The following RUFY3 variants were observed in gnomAD, a reference collection of about 807,000 sequenced individuals.
RUFY3 encodes RUN and FYVE domain containing 3.
Under a neutral mutation model 84.0 loss-of-function variants are expected in RUFY3, and 34 were observed. That is an observed-to-expected ratio of 0.40 (90% CI 0.31 to 0.54). RUFY3 has a LOEUF of 0.54. Ranked by LOEUF, RUFY3 falls within the 20% of genes least tolerant of loss-of-function variation. RUFY3 has a pLI of 0.39. For missense variants in RUFY3, 507 were observed against 736.8 expected (o/e 0.69, Z 3.61); for synonymous variants, 242 against 252.9 (o/e 0.96, Z 0.41).
upstream of RUFY3, chr4:70,704,148 A>T (rs2148541990): frequency 6.6e-6 from 1 of 152,370 alleles, no homozygotes; most frequent in East Asian, 1.9e-4. Context: ...TGTTTGATTT[A>T]AAATGCACTC....
intron 1 of RUFY3, among the ~76,000 whole-genome samples, chr4:70,738,063 A>G (rs999295408): frequency 6.9e-6 from 1 of 144,184 alleles, no homozygotes; most frequent in Non-Finnish European, 1.5e-5. Context: ...AGCTCACTCC[A>G]GCCTCCACCT....
At chr4:70,711,879 A>T (rs901276251) in intron 1 of RUFY3, among the ~76,000 whole-genome samples, 2 of 152,198 alleles carry the variant, frequency 1.3e-5, no homozygotes, top group African/African-American at 4.8e-5. Context: ...CTGAACTCTC[A>T]CAGTTTGTCT....
intron 13 of RUFY3, among the ~76,000 whole-genome samples, chr4:70,794,331 A>G (rs1480801792): frequency 1.3e-5 from 2 of 152,170 alleles, no homozygotes; most frequent in Admixed American, 1.3e-4. Flanking sequence ...CTGTAATCCC[A>G]GCACTTTGGG....
chr4:70,762,571 G>A lies in RUFY3; in HGVS notation c.231G>A (p.Lys77=), dbSNP rs781373939. 3.1e-6 allele frequency: 5 copies of A among 1,613,968 alleles called. No homozygotes were observed. Among genetic ancestry groups the A allele is most frequent in the Non-Finnish European group, 3.4e-6 (4 of 1,179,932 alleles). Residue 77 remains lysine, a synonymous_variant, in exon 2 of 18, where the codon AAG becomes AAA. Coordinates refer to ENST00000381006, the MANE Select transcript of RUFY3 (RefSeq NM_001037442.4). ...GCATGAACCTCATGAACATGGCCAA[G>A]CTGAGTATCAAGGGCTTGATTGAAT... The part of the protein sequence containing the change: ...NERMNLMNMA[K]LSIKGLIESA...
intron 8 of RUFY3, among the ~76,000 whole-genome samples, chr4:70,779,861 C>A (rs1728609915): frequency 6.6e-6 from 1 of 152,112 alleles, no homozygotes; most frequent in African/African-American, 2.4e-5. Context: ...GGCATAGCCA[C>A]TGCGCCTGGC....
intron 1 of RUFY3, among the ~76,000 whole-genome samples, chr4:70,749,017 A>G (rs1722674547): frequency 1.3e-5 from 2 of 152,132 alleles, no homozygotes; most frequent in Admixed American, 6.6e-5. Context: ...ACCCTTCTAG[A>G]TCATAGATCT....
intron 10 of RUFY3, among the ~76,000 whole-genome samples, chr4:70,787,702 G>A (rs763418973): frequency 3.9e-5 from 6 of 152,092 alleles, no homozygotes; most frequent in Non-Finnish European, 8.8e-5. Flanking sequence ...ATATATGTCA[G>A]CATTTTAAGA....
intron 6 of RUFY3, among the ~76,000 whole-genome samples, chr4:70,774,644 A>AAAAATATATATATATATAT (rs1553916771): frequency 1.8e-5 from 1 of 56,676 alleles, no homozygotes; most frequent in African/African-American, 8.4e-5. Context: ...AAAAAAAAAA[A>AAAAATATATATATATATAT]ATATATATAT....
At chr4:70,732,346 T>C (rs549432038) in intron 1 of RUFY3, among the ~76,000 whole-genome samples, 1 of 152,244 alleles carries the variant, frequency 6.6e-6, no homozygotes, top group African/African-American at 2.4e-5. Context: ...TACTGTGTAC[T>C]ATTTATCGTA....
chr4:70,727,491 G>A (rs1004678803), intron 1 of RUFY3, among the ~76,000 whole-genome samples: 2 of 150,788 alleles, frequency 1.3e-5, no homozygotes, highest in African/African-American at 4.9e-5. Flanking sequence ...TAGTAACTGG[G>A]ATTACAGGCA....
intron 1 of RUFY3, among the ~76,000 whole-genome samples, chr4:70,729,162 A>G (rs965007010): frequency 3.9e-5 from 6 of 152,216 alleles, no homozygotes. Context: ...GGTTAAAAGT[A>G]TGGATTTTGT....
At chr4:70,734,816 G>A (rs907756121) in intron 1 of RUFY3, among the ~76,000 whole-genome samples, 3 of 152,092 alleles carry the variant, frequency 2.0e-5, no homozygotes, top group Admixed American at 6.5e-5. Flanking sequence ...TTGCACTAGC[G>A]TTGGCTTCAG....
chr4:70,743,506 A>G (rs1481676050), intron 1 of RUFY3, among the ~76,000 whole-genome samples: 2 of 152,196 alleles, frequency 1.3e-5, no homozygotes, highest in Middle Eastern at 3.2e-3. Context: ...GACTCATCAC[A>G]GGCAAGATTC....
upstream of RUFY3, among the ~76,000 whole-genome samples, chr4:70,721,365 C>CA (rs1397237295): frequency 1.2e-4 from 18 of 149,938 alleles, no homozygotes; most frequent in African/African-American, 4.4e-4. Context: ...ACAACAAAAT[C>CA]AAAAAGGGGG....
At chr4:70,756,899 A>G (rs1724112500) in intron 1 of RUFY3, among the ~76,000 whole-genome samples, 1 of 152,152 alleles carries the variant, frequency 6.6e-6, no homozygotes, top group Non-Finnish European at 1.5e-5. Flanking sequence ...AATTAATGAC[A>G]TCAATTATCT....
chr4:70,736,053 G>A (rs904836402), intron 1 of RUFY3, among the ~76,000 whole-genome samples: 3 of 151,836 alleles, frequency 2.0e-5, no homozygotes, highest in Non-Finnish European at 4.4e-5. Flanking sequence ...GGCTGACGTG[G>A]GAGGATGGGA....
chr4:70,798,750 G>C (rs1225683507), intron 14 of RUFY3, among the ~76,000 whole-genome samples: 1 of 151,958 alleles, frequency 6.6e-6, no homozygotes, highest in Non-Finnish European at 1.5e-5. Context: ...AGGTTGCAGC[G>C]AGCCAAGATC....
chr4:70,738,153 T>G (rs1056679851), intron 1 of RUFY3, among the ~76,000 whole-genome samples: 2 of 150,920 alleles, frequency 1.3e-5, no homozygotes, highest in African/African-American at 4.9e-5. Flanking sequence ...CACCTGGCTA[T>G]TTCTTTTGTA....
chr4:70,793,699 G>C (rs1731149605), intron 12 of RUFY3, 86 bp from the exon 13 acceptor site: 1 of 1,606,698 alleles, frequency 6.2e-7, no homozygotes, highest in Non-Finnish European at 8.5e-7. Context: ...TCTTCCTTGG[G>C]TTATTTTATT....
Sources: allele counts gnomAD v4.1 joint callset (sites outside exome capture counted in the v4.1 genomes callset), GRCh38; gene constraint gnomAD v4.1.1; transcripts MANE v1.5; gene names NCBI Gene and HGNC (gene_info 2026-07-23, HGNC 2026-07-21).